ETV6: variants seen among roughly 807,000 people sequenced by gnomAD.
ETV6 encodes the protein ETS variant transcription factor 6.
ETV6 carries 16 observed loss-of-function variants against 51.1 expected under a neutral mutation model. That is an observed-to-expected ratio of 0.31 (90% CI 0.21 to 0.48). ETV6 has a LOEUF of 0.48. Ranked by LOEUF, ETV6 falls within the 20% of genes least tolerant of loss-of-function variation. The probability of loss-of-function intolerance (pLI) is 0.99; values close to 1 mark genes in which losing one functional copy is unlikely to be tolerated. For synonymous variants in ETV6, 240 were observed against 224.1 expected (o/e 1.07, Z -0.64); for missense variants, 458 against 594.8 (o/e 0.77, Z 2.39).
At chr12:11,725,961 GC>G (rs1317878205) in intron 1 of ETV6, among the ~76,000 whole-genome samples, 1 of 152,164 alleles carries the variant, frequency 6.6e-6, no homozygotes, top group Non-Finnish European at 1.5e-5. Flanking sequence ...GAATTCCCCA[GC>G]CTCAGATATT....
intron 5 of ETV6, among the ~76,000 whole-genome samples, chr12:11,883,587 G>T (rs935511428): frequency 1.3e-5 from 2 of 151,936 alleles, no homozygotes; most frequent in African/African-American, 2.4e-5. Flanking sequence ...GAGCCACCAC[G>T]CCCGGCCATG....
chr12:11,850,249 T>A (rs1260726152), intron 3 of ETV6, among the ~76,000 whole-genome samples: 1 of 152,132 alleles, frequency 6.6e-6, no homozygotes, highest in Non-Finnish European at 1.5e-5. Flanking sequence ...CCCTGCTCCC[T>A]TGGCCAGCGT....
intron 2 of ETV6, among the ~76,000 whole-genome samples, chr12:11,824,475 G>A (rs938754202): frequency 5.3e-5 from 8 of 152,230 alleles, no homozygotes; most frequent in African/African-American, 1.9e-4. Context: ...GGGAGTAGAG[G>A]CACATTGAAA....
chr12:11,793,652 C>T (rs1334545569), intron 2 of ETV6, among the ~76,000 whole-genome samples: 1 of 152,196 alleles, frequency 6.6e-6, no homozygotes, highest in East Asian at 1.9e-4. Flanking sequence ...TGGGATGCCT[C>T]CCTTCTCTTA....
At chr12:11,659,128 C>T (rs976772446) in intron 1 of ETV6, among the ~76,000 whole-genome samples, 3 of 152,136 alleles carry the variant, frequency 2.0e-5, no homozygotes, top group Non-Finnish European at 4.4e-5. Context: ...GATGGCCCTT[C>T]GTGGAAGTTT....
intron 3 of ETV6, among the ~76,000 whole-genome samples, chr12:11,845,552 G>T (rs1946448748): frequency 6.6e-6 from 1 of 152,082 alleles, no homozygotes; most frequent in Non-Finnish European, 1.5e-5. Flanking sequence ...GGGTCTCTGT[G>T]TATAAGACAT....
At chr12:11,860,234 C>T (rs1040472793) in intron 4 of ETV6, among the ~76,000 whole-genome samples, 3 of 152,280 alleles carry the variant, frequency 2.0e-5, no homozygotes, top group South Asian at 2.1e-4. Flanking sequence ...TAAACCCACT[C>T]GATTCTCTAG....
At chr12:11,754,237 T>C (rs778747263) in intron 2 of ETV6, among the ~76,000 whole-genome samples, 9 of 152,242 alleles carry the variant, frequency 5.9e-5, no homozygotes, top group Non-Finnish European at 1.3e-4. Flanking sequence ...GGCACTCTTC[T>C]GTGTCCTGGG....
chr12:11,766,998 A>G (rs886097407), intron 2 of ETV6, among the ~76,000 whole-genome samples: 2 of 152,326 alleles, frequency 1.3e-5, no homozygotes, highest in East Asian at 1.9e-4. Flanking sequence ...TGAAATTGAC[A>G]TGATGATGCC....
At chr12:11,823,822 G>A (rs986981235) in intron 2 of ETV6, among the ~76,000 whole-genome samples, 1 of 151,944 alleles carries the variant, frequency 6.6e-6, no homozygotes, top group Admixed American at 6.6e-5. Context: ...TAGTTCTTTC[G>A]GTGGGAGAAG....
intron 2 of ETV6, among the ~76,000 whole-genome samples, chr12:11,837,745 G>A (rs899061736): frequency 1.3e-5 from 2 of 152,228 alleles, no homozygotes; most frequent in African/African-American, 4.8e-5. Flanking sequence ...CCATTGCTCT[G>A]TTTGAGCTAT....
chr12:11,871,015 G>A (rs1946873199), intron 5 of ETV6, among the ~76,000 whole-genome samples: 1 of 152,082 alleles, frequency 6.6e-6, no homozygotes, highest in Admixed American at 6.5e-5. Flanking sequence ...TTCGATAGTG[G>A]GAAGGAGGCC....
chr12:11,827,070 TCACACACACACACA>T (rs55959869), intron 2 of ETV6, among the ~76,000 whole-genome samples: 79 of 145,164 alleles, frequency 5.4e-4, no homozygotes, highest in Admixed American at 8.3e-4. Flanking sequence ...GAAGTCTGTC[TCACACACACACACA>T]CACACACACA....
chr12:11,817,105 T>A lies in ETV6; in HGVS notation c.164-22035T>A, dbSNP rs77949437. On this transcript the variant is annotated intron_variant, in intron 2 of 7. Transcript: ENST00000396373. ...TGCAAACCCCGGTTCCAGCACTCACTGGACTCAGGATCTTCCCAAGTTAGT... is the reference window on the plus strand; with the variant it reads ...TGCAAACCCCGGTTCCAGCACTCACAGGACTCAGGATCTTCCCAAGTTAGT... Among the ~76,000 whole-genome samples the A allele has an allele frequency of 6.8e-3, 1,037 of 152,320 alleles. 16 individuals are homozygous for A. Among genetic ancestry groups the A allele is most frequent in the African/African-American group, 0.024 (978 of 41,562 alleles).
intron 2 of ETV6, among the ~76,000 whole-genome samples, chr12:11,827,245 G>A (rs118147910): frequency 0.026 from 3,964 of 152,130 alleles, 84 homozygotes; most frequent in Non-Finnish European, 0.041. Flanking sequence ...AGTCTGCCCC[G>A]CGAAATGCTG....
chr12:11,793,076 T>TA lies in ETV6; in HGVS notation c.163+40510dup, dbSNP rs58930049. Among the ~76,000 whole-genome samples the TA allele has an allele frequency of 4.9e-3, 707 of 144,202 alleles. 5 individuals carry two copies. Among genetic ancestry groups the TA allele is most frequent in the African/African-American group, 0.011 (441 of 39,582 alleles). 94.6% of individuals were successfully genotyped at this position (144,202 alleles called of 152,430 possible). On this transcript the variant is annotated intron_variant, in intron 2 of 7. Coordinates refer to ENST00000396373, the MANE Select transcript of ETV6 (RefSeq NM_001987.5). Reference sequence around the variant, plus strand: ...GTTTTTAAGGAATAGTTCTTTAATTTAAAAAAAAAAAAACCTTAACATATT... The same window carrying TA: ...GTTTTTAAGGAATAGTTCTTTAATTTAAAAAAAAAAAAAACCTTAACATATT...
intron 2 of ETV6, among the ~76,000 whole-genome samples, chr12:11,824,089 C>G (rs1297169216): frequency 6.6e-6 from 1 of 152,350 alleles, no homozygotes; most frequent in Middle Eastern, 3.4e-3. Flanking sequence ...ACCAAAGGGG[C>G]TCTGTGTTTC....
chr12:11,756,065 A>G lies in ETV6; in HGVS notation c.163+3486A>G, dbSNP rs1945002476. 2.0e-5 allele frequency among the ~76,000 whole-genome samples: 3 copies of G among 152,244 alleles called. No individual in the cohort carries two copies. The South Asian group carries it at 6.2e-4, about 31-fold the overall frequency. On this transcript the variant is annotated intron_variant, in intron 2 of 7. Coordinates refer to ENST00000396373, the MANE Select transcript of ETV6 (RefSeq NM_001987.5). The stretch of plus-strand genomic sequence containing the variant: ...AGAGCTATACCCAAACTGAAGACAC[A>G]GCATGACAAATTAGCAAGTTATTGA...
At chr12:11,676,128 C>G (rs1864417640) in intron 1 of ETV6, among the ~76,000 whole-genome samples, 1 of 152,182 alleles carries the variant, frequency 6.6e-6, no homozygotes, top group African/African-American at 2.4e-5. Context: ...TGGGCCCTGC[C>G]TGGCTGATGG....
Sources: allele counts gnomAD v4.1 joint callset (sites outside exome capture counted in the v4.1 genomes callset), GRCh38; gene constraint gnomAD v4.1.1; transcripts MANE v1.5; gene names NCBI Gene and HGNC (gene_info 2026-07-23, HGNC 2026-07-21).